Variants in ZNF79 observed in about 807,000 individuals in gnomAD.
ZNF79 encodes ZNFpT7.
ZNF79 carries 13 observed loss-of-function variants against 14.9 expected under a neutral mutation model. The ratio of observed to expected loss-of-function variants is 0.87; its 90% confidence interval spans 0.57 to 1.38. The LOEUF (loss-of-function observed/expected upper bound fraction) is 1.38, where lower values mean the gene tolerates loss of function less well. Ranked by LOEUF, ZNF79 falls within the 40% of genes most tolerant of loss-of-function variation. The pLI is 0.00. For synonymous variants in ZNF79, 223 were observed against 235.1 expected, an observed-to-expected ratio of 0.95 and a Z score of 0.47; for missense variants, 631 against 630.6, an observed-to-expected ratio of 1.00 and a Z score of -0.01.
In ZNF79 at chr9:127,444,485, C is replaced by T. The variant is rs750012210; in HGVS notation, c.785C>T (p.Ala262Val). 25 of 1,610,792 alleles carry T rather than the reference C, an allele frequency of 1.6e-5. No homozygotes were observed. Among genetic ancestry groups the T allele is most frequent in the African/African-American group, 1.3e-5 (1 of 74,824 alleles). ...SECGRAFSQN[A>V]NLTKHQRTHT... ...TGTGGAAGAGCCTTCAGCCAGAACG[C>T]CAACCTCACCAAACACCAGCGAACC... is the stretch of plus-strand genomic sequence containing the variant. Residue 262 changes from alanine to valine, a missense_variant, in exon 5 of 5, where the codon GCC becomes GTC. Physicochemically the swap from Ala to Val is moderately conservative, Grantham distance 64. Coordinates refer to ENST00000342483, the MANE Select transcript of ZNF79 (RefSeq NM_007135.3).
Position 127,424,779 on chromosome 9 carries a change from G to A in ZNF79, c.-9G>A, listed in dbSNP as rs760984211. ...CTGCTGGGAGGCTGTGGCGCGAGGCGGGACTCAAATGCTGGAGGAAGGAGG... is the reference window on the plus strand; with the variant it reads ...CTGCTGGGAGGCTGTGGCGCGAGGCAGGACTCAAATGCTGGAGGAAGGAGG... On this transcript the variant is annotated 5_prime_UTR_variant, in exon 1 of 5. Coordinates refer to ENST00000342483, the MANE Select transcript of ZNF79 (RefSeq NM_007135.3). 1.6e-5 allele frequency: 26 copies of A among 1,613,754 alleles called. No individual in the cohort carries two copies. The Admixed American group carries it at 2.5e-4, about 16-fold the overall frequency.
At position 127,444,364 on chromosome 9, in the gene ZNF79, G is replaced by A. The variant is rs1834112811; in HGVS notation, c.664G>A (p.Glu222Lys). 1 of 1,613,080 alleles carries A rather than the reference G, an allele frequency of 6.2e-7. No homozygotes were observed. The highest frequency in any genetic ancestry group is 1.1e-5 in the South Asian group (1 of 91,008). Residue 222 changes from glutamate to lysine, a missense_variant, in exon 5 of 5, where the codon GAG becomes AAG. Transcript: ENST00000342483. The stretch of plus-strand genomic sequence containing the variant: ...GAGCCACACTGGAGAGAAGCCCTAT[G>A]AGTGCAGTGAATGTGGGAAGGCCTT... ...QKSHTGEKPY[E>K]CSECGKAFSQ...
chr9:127,424,969 G>A (rs779362683), intron 1 of ZNF79, 166 bp downstream of exon 1: 16 of 1,491,300 alleles, frequency 1.1e-5, no homozygotes, highest in African/African-American at 2.8e-5. Context: ...AGGAGATCCT[G>A]AGAACATGTG....
intron 2 of ZNF79, among the ~76,000 whole-genome samples, chr9:127,429,510 T>G (rs1478427411): frequency 1.3e-5 from 2 of 151,134 alleles, no homozygotes; most frequent in Non-Finnish European, 3.0e-5. Flanking sequence ...TTTTTAACTT[T>G]TGTAGAGTCA....
In ZNF79 at chr9:127,424,748, A is replaced by G. The variant is rs1283044741; in HGVS notation, c.-40A>G. On this transcript the variant is annotated 5_prime_UTR_variant, in exon 1 of 5. Transcript: ENST00000342483. Reference sequence around the variant, plus strand: ...CTGCTGTAGATAGACCCTTACGCCCAGAGAACTGCTGGGAGGCTGTGGCGC... The same window carrying G: ...CTGCTGTAGATAGACCCTTACGCCCGGAGAACTGCTGGGAGGCTGTGGCGC... The G allele has an allele frequency of 1.2e-6, 2 of 1,613,536 alleles. No individual in the cohort carries two copies. The highest frequency in any genetic ancestry group is 1.7e-5 in the Admixed American group (1 of 59,992).
At chr9:127,427,672 G>T (rs1188701886) in intron 1 of ZNF79, among the ~76,000 whole-genome samples, 5 of 151,462 alleles carry the variant, frequency 3.3e-5, no homozygotes, top group Non-Finnish European at 7.4e-5. Flanking sequence ...CTCCCAGGTA[G>T]CTGGGCCTGC....
chr9:127,428,715 A>G, intron 1 of ZNF79, 117 bp from the exon 2 acceptor site: 2 of 1,294,292 alleles, frequency 1.5e-6, no homozygotes, highest in South Asian at 5.1e-5. Flanking sequence ...ACATCACACT[A>G]CAGGTCTGCA....
Position 127,444,477 on chromosome 9 carries a change from C to T in ZNF79, c.777C>T (p.Ser259=). 6.2e-7 allele frequency: 1 copy of T among 1,610,028 alleles called. No homozygotes were observed. Among genetic ancestry groups the T allele is most frequent in the Non-Finnish European group, 8.5e-7 (1 of 1,176,678 alleles). The change falls in exon 5 of 5, where the codon AGC becomes AGT. Residue 259 remains serine (S), a synonymous_variant. Coordinates refer to ENST00000342483, the MANE Select transcript of ZNF79 (RefSeq NM_007135.3). The part of the protein sequence containing the change: ...YKCSECGRAF[S]QNANLTKHQR... ...GCAGTGAATGTGGAAGAGCCTTCAG[C>T]CAGAACGCCAACCTCACCAAACACC...
At chr9:127,440,442 G>A (rs1564236842) in intron 4 of ZNF79, among the ~76,000 whole-genome samples, 3 of 152,322 alleles carry the variant, frequency 2.0e-5, no homozygotes, top group Admixed American at 2.0e-4. Context: ...GAAGACCTGT[G>A]TGGCCAGAGC....
intron 4 of ZNF79, among the ~76,000 whole-genome samples, chr9:127,437,463 G>A (rs1833971146): frequency 6.6e-6 from 1 of 151,918 alleles, no homozygotes; most frequent in Non-Finnish European, 1.5e-5. Context: ...CCTTTTTCTG[G>A]GAAGAGTGTT....
At chr9:127,426,372 C>CTT (rs34029339) in intron 1 of ZNF79, among the ~76,000 whole-genome samples, 4 of 128,508 alleles carry the variant, frequency 3.1e-5, no homozygotes, top group South Asian at 2.5e-4. Flanking sequence ...TAATATGTGA[C>CTT]TTTTTTTTTT....
At chr9:127,437,792 T>C (rs1202227574) in intron 4 of ZNF79, among the ~76,000 whole-genome samples, 1 of 152,088 alleles carries the variant, frequency 6.6e-6, no homozygotes, top group Non-Finnish European at 1.5e-5. Context: ...CTGGATTTCC[T>C]TCTTTTTAGG....
chr9:127,426,707 T>A (rs1408220424), intron 1 of ZNF79, among the ~76,000 whole-genome samples: 1 of 152,212 alleles, frequency 6.6e-6, no homozygotes, highest in African/African-American at 2.4e-5. Flanking sequence ...ACTTCATCCC[T>A]TTTTGTGGTA....
chr9:127,444,238 A>G lies in ZNF79; in HGVS notation c.538A>G (p.Lys180Glu). Residue 180 changes from lysine to glutamate, a missense_variant, in exon 5 of 5, where the codon AAG (lysine) becomes GAG (glutamate). By Grantham distance (56) the Lys-to-Glu change is moderately conservative. Coordinates refer to ENST00000342483, the MANE Select transcript of ZNF79 (RefSeq NM_007135.3). ...RKCETHTESF[K>E]NSEILKPHRA... ...ATGTGAGACACACACCGAGAGCTTCAAGAACTCGGAAATCCTGAAACCTCA... is the reference window on the plus strand; with the variant it reads ...ATGTGAGACACACACCGAGAGCTTCGAGAACTCGGAAATCCTGAAACCTCA... 1.2e-6 allele frequency: 2 copies of G among 1,614,166 alleles called. No homozygotes were observed. The highest frequency in any genetic ancestry group is 1.7e-6 in the Non-Finnish European group (2 of 1,179,974).
At chr9:127,442,159 G>C (rs1454132325) in intron 4 of ZNF79, among the ~76,000 whole-genome samples, 1 of 151,836 alleles carries the variant, frequency 6.6e-6, no homozygotes, top group Non-Finnish European at 1.5e-5. Flanking sequence ...CCAGCACTTT[G>C]GGAGGCCGAG....
chr9:127,437,580 T>A (rs1237770743), intron 4 of ZNF79, among the ~76,000 whole-genome samples: 2 of 151,318 alleles, frequency 1.3e-5, no homozygotes, highest in Admixed American at 6.6e-5. Flanking sequence ...ACAATAGCAG[T>A]TGATTCGCTC....
intron 4 of ZNF79, among the ~76,000 whole-genome samples, chr9:127,437,347 C>CCT (rs397782444): frequency 6.6e-6 from 1 of 151,708 alleles, no homozygotes; most frequent in African/African-American, 2.4e-5. Flanking sequence ...GGCCCCCCCC[C>CCT]GCTGCCTGGG....
At position 127,445,150 on chromosome 9, in the gene ZNF79, T is replaced by A. The variant is rs1045931437; in HGVS notation, c.1450T>A (p.Cys484Ser). ...CAGCGAGTGTGGGAAGGCCTTCCGG[T>A]GCAGCTCTGCCTTCGTTAGACATCA... ...ECSECGKAFR[C>S]SSAFVRHQRL... Residue 484 changes from cysteine to serine, a missense_variant, in exon 5 of 5, where the codon TGC (cysteine) becomes AGC (serine). Physicochemically the swap from Cys to Ser is moderately radical, Grantham distance 112. Coordinates refer to ENST00000342483, the MANE Select transcript of ZNF79 (RefSeq NM_007135.3). 8 of 1,614,170 alleles carry A rather than the reference T, an allele frequency of 5.0e-6. No individual in the cohort carries two copies. The highest frequency in any genetic ancestry group is 6.8e-6 in the Non-Finnish European group (8 of 1,180,030).
chr9:127,437,336 A>G (rs1833967107), intron 4 of ZNF79, among the ~76,000 whole-genome samples: 1 of 115,628 alleles, frequency 8.6e-6, no homozygotes, highest in South Asian at 2.5e-4. Context: ...CCTTCTCTCA[A>G]GGCCCCCCCC....
Sources: gnomAD v4.1 joint callset for allele counts (sites outside exome capture counted in the v4.1 genomes callset) on GRCh38, gnomAD v4.1.1 for gene constraint, MANE v1.5 for transcripts, NCBI Gene and HGNC (gene_info 2026-07-23, HGNC 2026-07-21) for gene names.